NTM: variants seen among roughly 807,000 people sequenced by gnomAD.
The protein encoded by NTM is neurotrimin.
Under a neutral mutation model 42.1 loss-of-function variants are expected in NTM, and 13 were observed. That is an observed-to-expected ratio of 0.31 (90% CI 0.20 to 0.49). NTM has a LOEUF of 0.49. NTM is among the 20% of genes least tolerant of loss of function. The pLI, the probability that NTM is intolerant of heterozygous loss-of-function variation, is 0.99. For synonymous variants in NTM, 187 were observed against 179.2 expected, an observed-to-expected ratio of 1.04 and a Z score of -0.35; for missense variants, 373 against 452.8, an observed-to-expected ratio of 0.82 and a Z score of 1.60.
chr11:132,212,192 G>C, intron 4 of NTM, 45 bp downstream of exon 4: 3 of 1,565,664 alleles, frequency 1.9e-6, no homozygotes, highest in Non-Finnish European at 2.6e-6. Flanking sequence ...ATAAATGGGG[G>C]AATTTTGGGC....
At chr11:131,798,811 T>C (rs1396475583) in intron 1 of NTM, among the ~76,000 whole-genome samples, 1 of 152,222 alleles carries the variant, frequency 6.6e-6, no homozygotes, top group Non-Finnish European at 1.5e-5. Context: ...AATAACCCTC[T>C]GTACTGGCAC....
intron 1 of NTM, among the ~76,000 whole-genome samples, chr11:131,768,397 C>A (rs1055341706): frequency 6.6e-6 from 1 of 152,218 alleles, no homozygotes; most frequent in Admixed American, 6.5e-5. Flanking sequence ...GGATTACAGG[C>A]GTGAGCCACT....
intron 1 of NTM, among the ~76,000 whole-genome samples, chr11:131,390,085 G>C (rs758336924): frequency 2.6e-5 from 4 of 152,176 alleles, no homozygotes; most frequent in Non-Finnish European, 4.4e-5. Context: ...TTTGGCTCAT[G>C]GTTCTGCAGG....
intron 3 of NTM, among the ~76,000 whole-genome samples, chr11:132,167,177 A>G (rs1441862187): frequency 6.6e-6 from 1 of 151,932 alleles, no homozygotes; most frequent in Non-Finnish European, 1.5e-5. Flanking sequence ...GATGAGCAAA[A>G]TTGACATTGT....
intron 4 of NTM, among the ~76,000 whole-genome samples, chr11:132,267,961 A>G (rs2093291717): frequency 6.6e-6 from 1 of 152,164 alleles, no homozygotes; most frequent in Admixed American, 6.5e-5. Context: ...AAACTAATAG[A>G]AAGAAATGAT....
At chr11:131,659,435 T>C (rs572198449) in intron 1 of NTM, among the ~76,000 whole-genome samples, 3 of 152,274 alleles carry the variant, frequency 2.0e-5, no homozygotes, top group African/African-American at 7.2e-5. Flanking sequence ...AGCCAGACCC[T>C]GTATGCTGAG....
At chr11:131,447,313 A>AT (rs1440841678) in intron 1 of NTM, among the ~76,000 whole-genome samples, 2 of 152,114 alleles carry the variant, frequency 1.3e-5, no homozygotes, top group African/African-American at 4.8e-5. Flanking sequence ...TCTGTTTATC[A>AT]TTTTATCTTG....
At chr11:131,866,089 A>G (rs1336680835) in intron 1 of NTM, among the ~76,000 whole-genome samples, 1 of 148,416 alleles carries the variant, frequency 6.7e-6, no homozygotes. Context: ...CACACATGCT[A>G]CATGCACACA....
intron 1 of NTM, among the ~76,000 whole-genome samples, chr11:131,896,647 G>C (rs1230400751): frequency 7.0e-6 from 1 of 142,528 alleles, no homozygotes; most frequent in Non-Finnish European, 1.5e-5. Flanking sequence ...AAGAATATCT[G>C]TGTTTACATG....
At chr11:131,795,012 G>C (rs139624547) in intron 1 of NTM, 1 of 985,018 alleles carries the variant, frequency 1.0e-6, no homozygotes, top group Non-Finnish European at 1.2e-6. Flanking sequence ...GTACTCAGCC[G>C]TGCTCCTTCC....
In NTM at chr11:131,840,750, A is replaced by T. The variant is rs554758603; in HGVS notation, c.83-70814A>T. 7.2e-5 allele frequency among the ~76,000 whole-genome samples: 11 copies of T among 152,318 alleles called. No individual in the cohort carries two copies. The South Asian group carries it at 2.3e-3, about 32-fold the overall frequency. ...GAAACTGAACAAAGCCGTGTCTTCCATCCTACATTAGAGGGTGTGGGATCT... is the reference window on the plus strand; with the variant it reads ...GAAACTGAACAAAGCCGTGTCTTCCTTCCTACATTAGAGGGTGTGGGATCT... On this transcript the variant is annotated intron_variant, in intron 1 of 8. Coordinates refer to ENST00000683400, the MANE Select transcript of NTM (RefSeq NM_001352005.2).
intron 1 of NTM, among the ~76,000 whole-genome samples, chr11:131,883,235 A>C (rs2049840923): frequency 6.6e-6 from 1 of 152,246 alleles, no homozygotes; most frequent in Non-Finnish European, 1.5e-5. Context: ...AATAATTAAA[A>C]AGGAAAAGTC....
chr11:131,836,615 C>A (rs528710533), intron 1 of NTM, among the ~76,000 whole-genome samples: 16 of 152,290 alleles, frequency 1.1e-4, no homozygotes, highest in African/African-American at 3.6e-4. Flanking sequence ...CCTCTGTATG[C>A]TTCTCTCCAT....
intron 2 of NTM, among the ~76,000 whole-genome samples, chr11:132,038,699 C>T (rs962531448): frequency 6.6e-6 from 1 of 152,198 alleles, no homozygotes; most frequent in Non-Finnish European, 1.5e-5. Context: ...TGGGCCCTGG[C>T]AACAGTGTGC....
intron 2 of NTM, among the ~76,000 whole-genome samples, chr11:132,081,503 T>G (rs2059037471): frequency 6.6e-6 from 1 of 151,842 alleles, no homozygotes; most frequent in African/African-American, 2.4e-5. Flanking sequence ...GAGGCTGAGG[T>G]GGGTGGATCA....
Position 131,598,773 on chromosome 11 carries a change from TC to T in NTM, c.82+227886del, listed in dbSNP as rs752928686. On this transcript the variant is annotated intron_variant, in intron 1 of 8. Coordinates refer to ENST00000683400, the MANE Select transcript of NTM (RefSeq NM_001352005.2). ...TTTCTTTCTTCTTTCTTTTTTTCTT[TC>T]TTTCTTTCTTCTTTCTTTCTTTCTT... is the stretch of plus-strand genomic sequence containing the variant. Among the ~76,000 whole-genome samples the T allele has an allele frequency of 6.0e-4, 52 of 86,388 alleles. 3 individuals carry two copies. Among genetic ancestry groups the T allele is most frequent in the Admixed American group, 1.6e-3 (12 of 7,702 alleles). 56.7% of individuals were successfully genotyped at this position (86,388 alleles called of 152,430 possible).
At chr11:131,693,531 G>A (rs2075051464) in intron 1 of NTM, among the ~76,000 whole-genome samples, 1 of 152,158 alleles carries the variant, frequency 6.6e-6, no homozygotes, top group African/African-American at 2.4e-5. Flanking sequence ...TGACTTCCCA[G>A]GAAATCCAGC....
intron 2 of NTM, among the ~76,000 whole-genome samples, chr11:131,963,447 A>G (rs188299661): frequency 6.6e-6 from 1 of 152,338 alleles, no homozygotes; most frequent in Non-Finnish European, 1.5e-5. Context: ...GGGAGATATT[A>G]TCTCTGTCTT....
chr11:131,859,847 G>T (rs2046441623), intron 1 of NTM, among the ~76,000 whole-genome samples: 1 of 150,806 alleles, frequency 6.6e-6, no homozygotes, highest in African/African-American at 2.5e-5. Context: ...TTCCATTTTA[G>T]AAGTGCCTCC....
Sources: gnomAD v4.1 joint callset for allele counts (sites outside exome capture counted in the v4.1 genomes callset) on GRCh38, gnomAD v4.1.1 for gene constraint, MANE v1.5 for transcripts, NCBI Gene and HGNC (gene_info 2026-07-23, HGNC 2026-07-21) for gene names.